Variants in GALNT13 observed in about 807,000 individuals in gnomAD.
GALNT13 encodes UDP-GalNAc:polypeptide N-acetylgalactosaminyltransferase 13.
In GALNT13, 28 loss-of-function variants were observed where a neutral mutation model predicts 64.2. That is an observed-to-expected ratio of 0.44 (90% CI 0.32 to 0.60). The LOEUF (loss-of-function observed/expected upper bound fraction) is 0.60. Ranked by LOEUF, GALNT13 falls within the 20% of genes least tolerant of loss-of-function variation. The pLI, the probability that GALNT13 is intolerant of heterozygous loss-of-function variation, is 0.05. For synonymous variants in GALNT13, 214 were observed against 224.6 expected (o/e 0.95, Z 0.42); for missense variants, 577 against 669.8 (o/e 0.86, Z 1.53).
the GALNT13 span, among the ~76,000 whole-genome samples, chr2:153,121,660 C>G: frequency 6.6e-6 from 1 of 152,170 alleles, no homozygotes; most frequent in Non-Finnish European, 1.5e-5. Flanking sequence ...TCCCAAGTAG[C>G]TGGGACTACA....
At chr2:153,833,023 G>A in the GALNT13 span, among the ~76,000 whole-genome samples, 13 of 152,080 alleles carry the variant, frequency 8.5e-5, no homozygotes, top group Admixed American at 4.6e-4. Flanking sequence ...AACAATTCAC[G>A]AGTTTTAAGT....
chr2:153,855,050 C>T, the GALNT13 span, among the ~76,000 whole-genome samples: 1 of 152,056 alleles, frequency 6.6e-6, no homozygotes, highest in Admixed American at 6.5e-5. Context: ...CACAAACAAG[C>T]CTACTTGTAT....
intron 9 of GALNT13, among the ~76,000 whole-genome samples, chr2:154,389,012 T>C (rs1269580633): frequency 6.6e-6 from 1 of 152,252 alleles, no homozygotes; most frequent in Non-Finnish European, 1.5e-5. Context: ...AACATTCATG[T>C]GGCTTAACAT....
chr2:154,226,362 T>C (rs1688618770), intron 4 of GALNT13, among the ~76,000 whole-genome samples: 1 of 152,124 alleles, frequency 6.6e-6, no homozygotes, highest in Non-Finnish European at 1.5e-5. Context: ...ATCACTTCTC[T>C]TGCATTCTTG....
chr2:153,569,643 T>C, the GALNT13 span, among the ~76,000 whole-genome samples: 2 of 152,202 alleles, frequency 1.3e-5, no homozygotes, highest in Admixed American at 6.5e-5. Flanking sequence ...TCACGGAAAA[T>C]AGGACATCCG....
intron 9 of GALNT13, among the ~76,000 whole-genome samples, chr2:154,351,886 CAT>C (rs1696431667): frequency 1.3e-5 from 2 of 151,632 alleles, no homozygotes; most frequent in Non-Finnish European, 2.9e-5. Flanking sequence ...AGAAATAAAA[CAT>C]ATTAATCAAG....
At chr2:153,524,519 T>A in the GALNT13 span, among the ~76,000 whole-genome samples, 1 of 152,164 alleles carries the variant, frequency 6.6e-6, no homozygotes, top group South Asian at 2.1e-4. Context: ...AGAAAAAAAG[T>A]CTTCAATTGC....
the GALNT13 span, among the ~76,000 whole-genome samples, chr2:153,118,768 C>T: frequency 1.3e-5 from 2 of 152,170 alleles, no homozygotes; most frequent in African/African-American, 4.8e-5. Context: ...GTAAATTTTA[C>T]CATAGTGCTA....
At chr2:154,149,789 CT>C (rs1361785474) in intron 4 of GALNT13, among the ~76,000 whole-genome samples, 1 of 152,172 alleles carries the variant, frequency 6.6e-6, no homozygotes, top group Non-Finnish European at 1.5e-5. Context: ...TATCCTGAGA[CT>C]TTGCTGAAGT....
intron 8 of GALNT13, among the ~76,000 whole-genome samples, chr2:154,269,844 C>A (rs952284019): frequency 7.4e-5 from 10 of 134,380 alleles, no homozygotes; most frequent in Non-Finnish European, 1.6e-5. Context: ...AAAAATATTT[C>A]TAGATAAGAG....
In GALNT13 at chr2:153,966,999, T is replaced by A. The variant is rs116906328; in HGVS notation, c.142+22360T>A. On this transcript the variant is annotated intron_variant, in intron 3 of 12. Transcript: ENST00000392825. ...CTAATTCTTTGTTCTGCTTGATCAA[T>A]TCTGCTTTTGAGAGACTGCGGCATT... 2.4e-3 allele frequency among the ~76,000 whole-genome samples: 371 copies of A among 152,248 alleles called. 9 individuals are homozygous for A. In the East Asian group the frequency reaches 0.056, roughly 23 times the overall value.
At chr2:154,260,558 T>C (rs1690641298) in intron 8 of GALNT13, among the ~76,000 whole-genome samples, 1 of 152,140 alleles carries the variant, frequency 6.6e-6, no homozygotes, top group South Asian at 2.1e-4. Flanking sequence ...GTCTATATGC[T>C]TATATTCTCA....
At chr2:153,749,261 T>G in the GALNT13 span, among the ~76,000 whole-genome samples, 51 of 152,174 alleles carry the variant, frequency 3.4e-4, no homozygotes, top group African/African-American at 1.1e-3. Context: ...CTTCAGGTAA[T>G]ATAATTCCTC....
At chr2:153,759,669 T>C in the GALNT13 span, among the ~76,000 whole-genome samples, 4 of 152,156 alleles carry the variant, frequency 2.6e-5, no homozygotes, top group Admixed American at 6.5e-5. Flanking sequence ...CTTGATCATA[T>C]TAAATGATTA....
rs1055929136 is a variant in GALNT13 at position 153,931,434 on chromosome 2, A to G, written c.-104-12960A>G. On this transcript the variant is annotated intron_variant, in intron 2 of 12. Coordinates refer to ENST00000392825, the MANE Select transcript of GALNT13 (RefSeq NM_052917.4). ...CCTTGTCTTTTTCTAGATCTTAAGG[A>G]GAACGTTTCCAGCTTTTGCCTATTC... is the stretch of plus-strand genomic sequence containing the variant. Among the ~76,000 whole-genome samples the G allele has an allele frequency of 2.6e-5, 4 of 151,774 alleles. No individual in the cohort carries two copies. In the Admixed American group the frequency reaches 2.6e-4, roughly 10 times the overall value.
At chr2:154,287,975 C>A (rs79975676) in intron 8 of GALNT13, among the ~76,000 whole-genome samples, 6,363 of 152,146 alleles carry the variant, frequency 0.042, 190 homozygotes, top group Non-Finnish European at 0.059. Flanking sequence ...GTTTGTCCAA[C>A]CTGCTTTGCT....
chr2:154,257,747 T>G (rs961937880), intron 7 of GALNT13: 5 of 152,162 alleles, frequency 3.3e-5, no homozygotes, highest in Non-Finnish European at 7.4e-5. Context: ...AGTACAATAT[T>G]ATTTGGTGGT....
intron 10 of GALNT13, among the ~76,000 whole-genome samples, chr2:154,407,271 G>T (rs184097377): frequency 6.6e-6 from 1 of 152,200 alleles, no homozygotes; most frequent in Non-Finnish European, 1.5e-5. Context: ...ATTTCTCTAA[G>T]TATAATGGCA....
the GALNT13 span, among the ~76,000 whole-genome samples, chr2:153,480,202 A>T: frequency 5.3e-4 from 80 of 152,060 alleles, no homozygotes; most frequent in Non-Finnish European, 7.9e-4. Context: ...GCCATTTTCA[A>T]CTCTACTCTT....
Sources: allele counts gnomAD v4.1 joint callset (sites outside exome capture counted in the v4.1 genomes callset), GRCh38; gene constraint gnomAD v4.1.1; transcripts MANE v1.5; gene names NCBI Gene and HGNC (gene_info 2026-07-23, HGNC 2026-07-21).